Variants in BABAM2 observed in about 807,000 individuals in gnomAD.
BABAM2 encodes BRISC and BRCA1 A complex member 2.
A neutral mutation model predicts 54.7 loss-of-function variants in BABAM2; 31 were observed. The ratio of observed to expected loss-of-function variants is 0.57; its 90% confidence interval spans 0.43 to 0.77. BABAM2 has a LOEUF of 0.77. Ranked by LOEUF, BABAM2 falls within the 30% of genes least tolerant of loss-of-function variation. BABAM2 has a pLI of 0.00. For synonymous variants in BABAM2, 167 were observed against 162.9 expected (o/e 1.03, Z -0.19); for missense variants, 364 against 455.8 (o/e 0.80, Z 1.83).
chr2:27,890,050 C>T, upstream of BABAM2: 1 of 538,712 alleles, frequency 1.9e-6, no homozygotes, highest in Non-Finnish European at 3.3e-6. This position sits in a 1 kb window ranked among gnomAD's most constrained non-coding sequence, Gnocchi z 4.8. Flanking sequence ...TGGCCTATTA[C>T]GTCCCCTCCC....
intron 4 of BABAM2, among the ~76,000 whole-genome samples, chr2:28,022,396 T>A (rs927682399): frequency 2.6e-5 from 4 of 152,236 alleles, no homozygotes; most frequent in African/African-American, 9.6e-5. Context: ...GAGCAGTTAT[T>A]TAATCTCTCT....
rs569304671 is a variant in BABAM2, at chr2:27,995,010, T to G, written c.300+6923T>G. Among the ~76,000 whole-genome samples, 11 of 152,262 alleles carry G rather than the reference T, an allele frequency of 7.2e-5. No homozygotes were observed. Among genetic ancestry groups the G allele is most frequent in the African/African-American group, 2.6e-4 (11 of 41,554 alleles). ...CTCTAAAGAATGCAAGACTAGCAGT[T>G]GTAGGGAGCAGCTATTCTAGAGCTA... On this transcript the variant is annotated intron_variant, in intron 4 of 11. Coordinates refer to ENST00000379624, the MANE Select transcript of BABAM2 (RefSeq NM_199191.3). This position sits in a 1 kb window ranked among gnomAD's most constrained non-coding sequence, Gnocchi z 4.1.
chr2:27,895,482 G>A (rs911388543), intron 2 of BABAM2, among the ~76,000 whole-genome samples: 5 of 152,100 alleles, frequency 3.3e-5, no homozygotes, highest in Non-Finnish European at 7.4e-5. Flanking sequence ...TTTCCCAAGT[G>A]TAGTACAGAT....
chr2:28,217,559 G>A (rs1181810928), intron 7 of BABAM2, among the ~76,000 whole-genome samples: 1 of 152,184 alleles, frequency 6.6e-6, no homozygotes, highest in Non-Finnish European at 1.5e-5. Flanking sequence ...TGCCCCAGGG[G>A]CAGTATACTA....
At chr2:28,295,880 G>T (rs1687651775) in intron 10 of BABAM2, among the ~76,000 whole-genome samples, 1 of 152,116 alleles carries the variant, frequency 6.6e-6, no homozygotes, top group South Asian at 2.1e-4. Context: ...GGCCAAGGTG[G>T]GTGGATCATC....
intron 5 of BABAM2, among the ~76,000 whole-genome samples, chr2:28,028,997 C>A (rs762677428): frequency 6.6e-6 from 1 of 152,132 alleles, no homozygotes; most frequent in Non-Finnish European, 1.5e-5. Context: ...GAATTCATGA[C>A]CTCAGGTGAT....
At chr2:27,963,971 G>A (rs1378316658) in intron 3 of BABAM2, among the ~76,000 whole-genome samples, 4 of 152,176 alleles carry the variant, frequency 2.6e-5, no homozygotes, top group Admixed American at 2.6e-4. Flanking sequence ...TAAGAGTAAA[G>A]TCCATTGCTA....
chr2:27,898,071 T>C (rs1665485967), intron 2 of BABAM2, among the ~76,000 whole-genome samples: 1 of 152,236 alleles, frequency 6.6e-6, no homozygotes. Context: ...AATAAAAAGA[T>C]TTTCAAATGG....
At chr2:28,280,633 G>A (rs965373032) in intron 10 of BABAM2, among the ~76,000 whole-genome samples, 10 of 152,096 alleles carry the variant, frequency 6.6e-5, no homozygotes, top group African/African-American at 2.2e-4. Flanking sequence ...CTAGACCTGG[G>A]GTTCACACAT....
chr2:28,176,569 C>CACAAAAAAAAA (rs1674976478), intron 7 of BABAM2, among the ~76,000 whole-genome samples: 1 of 5,042 alleles, frequency 2.0e-4, no homozygotes, highest in African/African-American at 6.7e-4. Context: ...GACTCTATCT[C>CACAAAAAAAAA]AAAAAAAAAA....
intron 6 of BABAM2, among the ~76,000 whole-genome samples, chr2:28,112,147 T>TTC (rs1558346715): frequency 1.9e-4 from 1 of 5,238 alleles, no homozygotes; most frequent in Admixed American, 2.4e-3. Context: ...CTTTCTTTCT[T>TTC]TACCTCCCTC....
intron 3 of BABAM2, among the ~76,000 whole-genome samples, chr2:27,969,993 C>T (rs1281180411): frequency 6.6e-6 from 1 of 152,180 alleles, no homozygotes; most frequent in Non-Finnish European, 1.5e-5. Context: ...CTACACTTCT[C>T]AGGTACACCC....
intron 7 of BABAM2, among the ~76,000 whole-genome samples, chr2:28,186,706 G>C (rs185560869): frequency 1.3e-5 from 2 of 152,036 alleles, no homozygotes; most frequent in Admixed American, 6.6e-5. Context: ...GAAGCGAAGC[G>C]AAGCAAGGCA....
intron 7 of BABAM2, among the ~76,000 whole-genome samples, chr2:28,156,887 A>G (rs1672589924): frequency 6.6e-6 from 1 of 152,208 alleles, no homozygotes; most frequent in South Asian, 2.1e-4. Flanking sequence ...ACAAATTTTT[A>G]AATGGAACTT....
At chr2:28,233,368 T>A (rs1377904476) in intron 7 of BABAM2, 1 of 431,746 alleles carries the variant, frequency 2.3e-6, no homozygotes, top group East Asian at 7.1e-5. Context: ...GAGTTTCCTG[T>A]TGTACATGCT....
At chr2:28,173,663 T>C (rs543064199) in intron 7 of BABAM2, among the ~76,000 whole-genome samples, 68 of 152,364 alleles carry the variant, frequency 4.5e-4, no homozygotes, top group Admixed American at 1.7e-3. Context: ...GACCACAGCA[T>C]CCCTAATCTT....
intron 6 of BABAM2, among the ~76,000 whole-genome samples, chr2:28,110,485 A>C (rs1667901995): frequency 6.6e-6 from 1 of 151,958 alleles, no homozygotes; most frequent in Admixed American, 6.6e-5. Flanking sequence ...TTAGCCAGGC[A>C]TGGTGGCAGG....
At chr2:28,097,585 T>G (rs1666736057) in intron 6 of BABAM2, among the ~76,000 whole-genome samples, 1 of 152,244 alleles carries the variant, frequency 6.6e-6, no homozygotes, top group Admixed American at 6.5e-5. Flanking sequence ...TTTGTTACAT[T>G]GAGCTCTTCT....
At chr2:27,961,667 A>C (rs921436860) in intron 3 of BABAM2, among the ~76,000 whole-genome samples, 1 of 148,900 alleles carries the variant, frequency 6.7e-6, no homozygotes, top group African/African-American at 2.5e-5. Context: ...AGTAATATGG[A>C]TTTGTGATTC....
Sources: gnomAD v4.1 joint callset for allele counts (sites outside exome capture counted in the v4.1 genomes callset) on GRCh38, gnomAD v4.1.1 for gene constraint, Gnocchi (gnomAD v3.1) non-coding constraint, MANE v1.5 for transcripts, NCBI Gene and HGNC (gene_info 2026-07-23, HGNC 2026-07-21) for gene names.